Variants in NPNT observed in about 807,000 individuals in gnomAD.
NPNT encodes the protein preosteoblast EGF-like repeat protein with MAM domain.
In NPNT, 45 loss-of-function variants were observed where a neutral mutation model predicts 68.6. The observed-to-expected ratio is 0.66, with a 90% CI of 0.52 to 0.84. The LOEUF is 0.84. Ranked by LOEUF, NPNT falls within the 40% of genes least tolerant of loss-of-function variation. The pLI is 0.00. For missense variants in NPNT, 672 were observed against 714.8 expected, an observed-to-expected ratio of 0.94 and a Z score of 0.68; for synonymous variants, 233 against 253.3, an observed-to-expected ratio of 0.92 and a Z score of 0.76.
At chr4:105,943,171 A>C (rs1730123178) in intron 8 of NPNT, among the ~76,000 whole-genome samples, 1 of 152,248 alleles carries the variant, frequency 6.6e-6, no homozygotes, top group African/African-American at 2.4e-5. Context: ...GGTTACTCAG[A>C]AGATACCAGT....
intron 8 of NPNT, among the ~76,000 whole-genome samples, chr4:105,944,339 A>T (rs1048220548): frequency 1.7e-4 from 26 of 152,114 alleles, no homozygotes; most frequent in Non-Finnish European, 3.4e-4. Flanking sequence ...TGAGTGCTTA[A>T]GTAATTATGG....
chr4:105,954,968 A>T (rs1731104312), intron 8 of NPNT, among the ~76,000 whole-genome samples: 1 of 152,214 alleles, frequency 6.6e-6, no homozygotes, highest in Non-Finnish European at 1.5e-5. Flanking sequence ...ACAAGCTCTT[A>T]GCCCATGCTT....
intron 10 of NPNT, among the ~76,000 whole-genome samples, chr4:105,962,837 G>C (rs1315002607): frequency 3.3e-5 from 5 of 151,504 alleles, no homozygotes; most frequent in African/African-American, 1.2e-4. Context: ...AGGAAATTCA[G>C]GTGGATGGAG....
intron 8 of NPNT, 87 bp downstream of exon 8, chr4:105,942,789 C>T: frequency 7.8e-7 from 1 of 1,286,706 alleles, no homozygotes; most frequent in Non-Finnish European, 1.1e-6. Flanking sequence ...AAGAATGAAA[C>T]TCGTAAGAAG....
chr4:105,958,730 TTTC>T (rs956136900), intron 9 of NPNT, among the ~76,000 whole-genome samples, 173 bp downstream of exon 9: 1 of 152,228 alleles, frequency 6.6e-6, no homozygotes, highest in Non-Finnish European at 1.5e-5. Context: ...TATGAATCAT[TTTC>T]TTTTTTAAAA....
At chr4:105,914,547 A>T (rs940825338) in intron 2 of NPNT, among the ~76,000 whole-genome samples, 1 of 147,600 alleles carries the variant, frequency 6.8e-6, no homozygotes, top group Non-Finnish European at 1.5e-5. Context: ...ACTACTGCAG[A>T]TATCATTCTA....
Position 105,970,998 on chromosome 4 carries a change from T to C in NPNT, c.*2008T>C, listed in dbSNP as rs1732522788. 6.1e-6 allele frequency: 2 copies of C among 329,820 alleles called. No homozygotes were observed. Among genetic ancestry groups the C allele is most frequent in the Admixed American group, 3.9e-5 (1 of 25,938 alleles). The allele number at this position is 329,820 out of a possible 1,614,324, so 20.4% of individuals were successfully genotyped here. ...CAAATGAGAGTATGATGGACAGATA[T>C]TTTAGTATCTCAGTAATGTCCTAGT... On this transcript the variant is annotated 3_prime_UTR_variant, in exon 12 of 12. Coordinates refer to ENST00000379987, the MANE Select transcript of NPNT (RefSeq NM_001033047.3).
intron 3 of NPNT, 119 bp from the exon 4 acceptor site, chr4:105,936,890 A>G: frequency 1.0e-6 from 1 of 960,554 alleles, no homozygotes; most frequent in Non-Finnish European, 1.5e-6. Flanking sequence ...TGTAAATGAC[A>G]GTTACTGTAG....
intron 2 of NPNT, among the ~76,000 whole-genome samples, chr4:105,904,686 ATT>A (rs141534245): frequency 2.0e-5 from 3 of 150,136 alleles, no homozygotes; most frequent in African/African-American, 7.3e-5. Flanking sequence ...TTTAGCCATA[ATT>A]TTTTTTTTCT....
intron 9 of NPNT, 87 bp downstream of exon 9, chr4:105,958,644 C>A: frequency 1.4e-6 from 1 of 724,458 alleles, no homozygotes; most frequent in South Asian, 2.8e-5. Flanking sequence ...TCGTTTGGAC[C>A]ATTTGGGAAA....
At chr4:105,961,092 A>T (rs1168330149) in intron 10 of NPNT, among the ~76,000 whole-genome samples, 1 of 152,198 alleles carries the variant, frequency 6.6e-6, no homozygotes, top group Non-Finnish European at 1.5e-5. Context: ...CAAAGGAAAT[A>T]TTGACACCCA....
At chr4:105,914,976 A>G (rs955712307) in intron 2 of NPNT, among the ~76,000 whole-genome samples, 1 of 152,220 alleles carries the variant, frequency 6.6e-6, no homozygotes, top group Admixed American at 6.5e-5. Flanking sequence ...GGAACACTGT[A>G]AAGATTTTAA....
chr4:105,955,064 A>G (rs906563420), intron 8 of NPNT, among the ~76,000 whole-genome samples: 12 of 152,336 alleles, frequency 7.9e-5, no homozygotes, highest in South Asian at 6.2e-4. Context: ...CAGATGGTGG[A>G]GGAATTGTAT....
chr4:105,918,519 C>T (rs1727996456), intron 2 of NPNT, among the ~76,000 whole-genome samples: 1 of 152,124 alleles, frequency 6.6e-6, no homozygotes, highest in Admixed American at 6.6e-5. Context: ...TTTCAGATAT[C>T]TATTATATTT....
intron 2 of NPNT, among the ~76,000 whole-genome samples, chr4:105,925,929 C>A (rs1283079518): frequency 6.6e-6 from 1 of 152,142 alleles, no homozygotes; most frequent in Non-Finnish European, 1.5e-5. Context: ...TTTCCTAGAG[C>A]TAAAGTGCAT....
intron 1 of NPNT, among the ~76,000 whole-genome samples, chr4:105,896,141 G>GA (rs1436898245): frequency 6.6e-6 from 1 of 152,178 alleles, no homozygotes; most frequent in African/African-American, 2.4e-5. Flanking sequence ...CCCCCGGGGG[G>GA]AGGCCCGGGC....
chr4:105,968,890 C>T lies in NPNT; in HGVS notation c.1603-5C>T. Reference sequence around the variant, plus strand: ...GCTTGACTGGTGTGTGCATTCTCTCCCTAGGTCGTCTTCAAAGGTGAAAAA... The same window carrying T: ...GCTTGACTGGTGTGTGCATTCTCTCTCTAGGTCGTCTTCAAAGGTGAAAAA... On this transcript the variant is annotated splice_polypyrimidine_tract_variant and splice_region_variant and intron_variant, in intron 11 of 11. Coordinates refer to ENST00000379987, the MANE Select transcript of NPNT (RefSeq NM_001033047.3). The T allele has an allele frequency of 6.3e-7, 1 of 1,580,934 alleles. No homozygotes were observed. Among genetic ancestry groups the T allele is most frequent in the Non-Finnish European group, 8.7e-7 (1 of 1,150,694 alleles).
intron 6 of NPNT, 22 bp from the exon 7 acceptor site, chr4:105,940,492 C>T: frequency 1.9e-6 from 3 of 1,603,768 alleles, no homozygotes; most frequent in Non-Finnish European, 2.6e-6. Flanking sequence ...TAAGTCTCTT[C>T]TTTTCCTACT....
At chr4:105,928,684 C>T (rs543217982) in intron 3 of NPNT, among the ~76,000 whole-genome samples, 1 of 150,576 alleles carries the variant, frequency 6.6e-6, no homozygotes, top group East Asian at 2.0e-4. Flanking sequence ...GGTTAGATTT[C>T]ACTAAATAGA....
Sources: allele counts gnomAD v4.1 joint callset (sites outside exome capture counted in the v4.1 genomes callset), GRCh38; gene constraint gnomAD v4.1.1; transcripts MANE v1.5; gene names NCBI Gene and HGNC (gene_info 2026-07-23, HGNC 2026-07-21).